Variants in LSM14A observed in about 807,000 individuals in gnomAD.
LSM14A encodes the protein protein LSM14 homolog A.
A neutral mutation model predicts 52.4 loss-of-function variants in LSM14A; 14 were observed. The ratio of observed to expected loss-of-function variants is 0.27; its 90% CI spans 0.18 to 0.42. The LOEUF is 0.42. LSM14A is among the 10% of genes least tolerant of loss of function. The pLI, the probability that LSM14A is intolerant of heterozygous loss-of-function variation, is 1.00. For synonymous variants in LSM14A, 185 were observed against 200.3 expected (o/e 0.92, Z 0.64); for missense variants, 417 against 581.8 (o/e 0.72, Z 2.91).
At chr19:34,195,131 AG>A (rs1179496970) in intron 2 of LSM14A, 1 of 162,540 alleles carries the variant, frequency 6.2e-6, no homozygotes, top group African/African-American at 2.4e-5. Context: ...GGGAAAAAAA[AG>A]CAAAATCACA....
intron 4 of LSM14A, among the ~76,000 whole-genome samples, chr19:34,213,095 G>A (rs1216762044): frequency 1.3e-5 from 2 of 151,918 alleles, no homozygotes; most frequent in Non-Finnish European, 2.9e-5. Flanking sequence ...AAGTTGCAGC[G>A]AGCTGTGATT....
chr19:34,175,388 G>A (rs2069012400), intron 1 of LSM14A, among the ~76,000 whole-genome samples: 1 of 151,986 alleles, frequency 6.6e-6, no homozygotes, highest in African/African-American at 2.4e-5. Context: ...GTGCCACCAC[G>A]CTTGGCTAAT....
intron 1 of LSM14A, among the ~76,000 whole-genome samples, chr19:34,173,227 G>A (rs1162743908): frequency 6.6e-6 from 1 of 152,196 alleles, no homozygotes; most frequent in Admixed American, 6.5e-5. Flanking sequence ...GTGAACTCTT[G>A]AGTAATGTGC....
In LSM14A at chr19:34,221,550, G is replaced by A. The variant is rs935767263; in HGVS notation, c.1180G>A (p.Glu394Lys). The change falls in exon 9 of 10, where the codon GAA (glutamate) becomes AAA (lysine). Residue 394 changes from glutamate to lysine, a missense_variant. By Grantham distance (56) the Glu-to-Lys change is moderately conservative. Coordinates refer to ENST00000544216, the MANE Select transcript of LSM14A (RefSeq NM_015578.4). ...GGCTGAAGAAAGAAGATTAAATGCTGAAACATTTGGAATCCCACTTCGTCC... is the reference window on the plus strand; with the variant it reads ...GGCTGAAGAAAGAAGATTAAATGCTAAAACATTTGGAATCCCACTTCGTCC... Reference protein sequence around the residue: ...TWAEERRLNAETFGIPLRPNR... With the variant: ...TWAEERRLNAKTFGIPLRPNR... The A allele has an allele frequency of 3.1e-6, 5 of 1,613,996 alleles. No homozygotes were observed. The highest frequency in any genetic ancestry group is 4.2e-6 in the Non-Finnish European group (5 of 1,180,024).
intron 8 of LSM14A, 182 bp from the exon 9 acceptor site, chr19:34,221,325 C>T (rs1461280326): frequency 7.8e-6 from 5 of 642,024 alleles, no homozygotes; most frequent in Admixed American, 3.0e-5. Flanking sequence ...TCAGGCGATC[C>T]GCCCCCTCGG....
At chr19:34,212,261 G>T (rs1484455393) in intron 4 of LSM14A, among the ~76,000 whole-genome samples, 1 of 152,192 alleles carries the variant, frequency 6.6e-6, no homozygotes, top group Non-Finnish European at 1.5e-5. Context: ...GGAGGTTAAG[G>T]TGGCAGCAAG....
Position 34,172,639 on chromosome 19 carries a change from C to G in LSM14A, c.-4C>G. Reference sequence around the variant, plus strand: ...GAGCAGCTGGGAGCGGCGGCGGCGGCGCCATGAGCGGGGGCACCCCTTACA... The same window carrying G: ...GAGCAGCTGGGAGCGGCGGCGGCGGGGCCATGAGCGGGGGCACCCCTTACA... On this transcript the variant is annotated 5_prime_UTR_variant, in exon 1 of 10. Coordinates refer to ENST00000544216, the MANE Select transcript of LSM14A (RefSeq NM_015578.4). The G allele has an allele frequency of 6.4e-7, 1 of 1,556,662 alleles. No homozygotes were observed. The highest frequency in any genetic ancestry group is 2.6e-5 in the East Asian group (1 of 38,392).
chr19:34,180,365 G>C (rs2069394399), intron 1 of LSM14A, among the ~76,000 whole-genome samples: 1 of 152,118 alleles, frequency 6.6e-6, no homozygotes, highest in African/African-American at 2.4e-5. Context: ...GGAATACTTA[G>C]CAGCTTTTTG....
chr19:34,206,548 G>C lies in LSM14A; in HGVS notation c.416-2381G>C, dbSNP rs192880695. Among the ~76,000 whole-genome samples the C allele has an allele frequency of 2.0e-5, 3 of 151,900 alleles. No homozygotes were observed. In the East Asian group the frequency reaches 5.8e-4, roughly 29 times the overall value. On this transcript the variant is annotated intron_variant, in intron 3 of 9. Coordinates refer to ENST00000544216, the MANE Select transcript of LSM14A (RefSeq NM_015578.4). ...AAATTAGTTGGGCATGGTGGCGCGC[G>C]CCTGTAGTCCCAGCTGCTCGGGAGG...
intron 1 of LSM14A, among the ~76,000 whole-genome samples, chr19:34,186,394 C>T (rs1481384820): frequency 6.6e-6 from 1 of 152,152 alleles, no homozygotes; most frequent in Non-Finnish European, 1.5e-5. Flanking sequence ...TTGTGAGTAG[C>T]CTCCATCTGT....
chr19:34,199,732 G>A (rs2071154479), intron 3 of LSM14A, among the ~76,000 whole-genome samples: 2 of 152,034 alleles, frequency 1.3e-5, no homozygotes, highest in Admixed American at 1.3e-4. Flanking sequence ...CCACTAAAAG[G>A]AACAAGGGCC....
At chr19:34,196,840 C>A in intron 3 of LSM14A, 77 bp downstream of exon 3, 2 of 1,285,758 alleles carry the variant, frequency 1.6e-6, no homozygotes, top group Non-Finnish European at 2.1e-6. Flanking sequence ...AAACTCAACA[C>A]CAACTATTAG....
Position 34,175,948 on chromosome 19 carries a change from C to T in LSM14A, c.121+3185C>T, listed in dbSNP as rs754886402. ...TTGGCTCGCTGCAGCCTCCACCTCCCGGGTTCAAGCAGTTCTGCCACAGCC... is the reference window on the plus strand; with the variant it reads ...TTGGCTCGCTGCAGCCTCCACCTCCTGGGTTCAAGCAGTTCTGCCACAGCC... On this transcript the variant is annotated intron_variant, in intron 1 of 9. Coordinates refer to ENST00000544216, the MANE Select transcript of LSM14A (RefSeq NM_015578.4). 3.3e-5 allele frequency among the ~76,000 whole-genome samples: 5 copies of T among 152,086 alleles called. No homozygotes were observed. In the East Asian group the frequency reaches 5.8e-4, roughly 18 times the overall value.
At chr19:34,185,647 G>C (rs2069845131) in intron 1 of LSM14A, among the ~76,000 whole-genome samples, 1 of 152,164 alleles carries the variant, frequency 6.6e-6, no homozygotes, top group Admixed American at 6.5e-5. Flanking sequence ...AAGAGGTGGT[G>C]CTTTTTAGTA....
intron 1 of LSM14A, among the ~76,000 whole-genome samples, chr19:34,178,134 C>T (rs1214150656): frequency 6.6e-6 from 1 of 150,902 alleles, no homozygotes; most frequent in African/African-American, 2.4e-5. Context: ...GTACTCTAGC[C>T]TGGGCAACAG....
At chr19:34,224,392 A>G (rs1453179704) in intron 9 of LSM14A, among the ~76,000 whole-genome samples, 1 of 152,228 alleles carries the variant, frequency 6.6e-6, no homozygotes, top group Non-Finnish European at 1.5e-5. Context: ...GGTTACTAAT[A>G]CAAACATTTT....
At chr19:34,192,787 C>T (rs2070541117) in intron 1 of LSM14A, among the ~76,000 whole-genome samples, 2 of 151,656 alleles carry the variant, frequency 1.3e-5, no homozygotes, top group African/African-American at 2.4e-5. Context: ...CCAGTCTGGC[C>T]AACATAGTGA....
chr19:34,198,842 C>T (rs2071065908), intron 3 of LSM14A, among the ~76,000 whole-genome samples: 3 of 151,790 alleles, frequency 2.0e-5, no homozygotes, highest in Admixed American at 1.3e-4. Flanking sequence ...AAAAAATTAG[C>T]CGGGCGTGGT....
intron 2 of LSM14A, among the ~76,000 whole-genome samples, chr19:34,196,154 CTA>C (rs2070821022): frequency 6.6e-6 from 1 of 152,066 alleles, no homozygotes; most frequent in Non-Finnish European, 1.5e-5. Context: ...CTTAATGTAA[CTA>C]TAAGTAAAAA....
Sources: gnomAD v4.1 joint callset for allele counts (sites outside exome capture counted in the v4.1 genomes callset) on GRCh38, gnomAD v4.1.1 for gene constraint, MANE v1.5 for transcripts, NCBI Gene and HGNC (gene_info 2026-07-23, HGNC 2026-07-21) for gene names.